The following ANK2 variants were observed in gnomAD, a reference collection of about 807,000 sequenced individuals.
ANK2 encodes the protein ankyrin 2.
Under a neutral mutation model 360.5 loss-of-function variants are expected in ANK2, and 83 were observed. The ratio of observed to expected loss-of-function variants is 0.23; its 90% CI spans 0.19 to 0.28. The LOEUF is 0.28. Ranked by LOEUF, ANK2 falls within the 10% of genes least tolerant of loss-of-function variation. The pLI, the probability that ANK2 is intolerant of heterozygous loss-of-function variation, is 1.00. For synonymous variants in ANK2, 1,740 were observed against 1,759.5 expected (o/e 0.99, Z 0.28); for missense variants, 4,201 against 4,795.7 (o/e 0.88, Z 3.66).
intron 2 of ANK2, among the ~76,000 whole-genome samples, chr4:112,930,892 GAAA>G (rs111287075): frequency 1.7e-5 from 2 of 116,142 alleles, no homozygotes; most frequent in Non-Finnish European, 3.8e-5. Context: ...CATCTCGAGA[GAAA>G]AAAAAAAAAA....
At chr4:112,764,399 G>A in the ANK2 span, among the ~76,000 whole-genome samples, 2 of 151,326 alleles carry the variant, frequency 1.3e-5, no homozygotes, top group South Asian at 2.1e-4. Flanking sequence ...GCAATGGCCC[G>A]ATCTCGGCTC....
intron 1 of ANK2, among the ~76,000 whole-genome samples, chr4:112,876,598 A>C (rs560394315): frequency 1.4e-3 from 218 of 152,226 alleles, no homozygotes; most frequent in Non-Finnish European, 2.4e-3. Context: ...GTAGAGATGG[A>C]TATATTGCCA....
chr4:113,288,666 A>G (rs955505313), intron 20 of ANK2, among the ~76,000 whole-genome samples, 180 bp downstream of exon 20: 3 of 152,220 alleles, frequency 2.0e-5, no homozygotes, highest in Admixed American at 6.5e-5. Context: ...TAACTTTGAC[A>G]TCCATGAAGG....
intron 9 of ANK2, among the ~76,000 whole-genome samples, chr4:113,242,698 G>T (rs753788543): frequency 1.3e-5 from 2 of 152,160 alleles, no homozygotes; most frequent in South Asian, 2.1e-4. Context: ...ATGGAGAAAA[G>T]CATACAGTTA....
At chr4:113,279,064 A>G (rs1458046924) in intron 17 of ANK2, among the ~76,000 whole-genome samples, 1 of 151,974 alleles carries the variant, frequency 6.6e-6, no homozygotes, top group Admixed American at 6.6e-5. Flanking sequence ...TTTTTGGTGT[A>G]TATCTAGCAC....
At chr4:112,931,364 C>T (rs899620574) in intron 2 of ANK2, among the ~76,000 whole-genome samples, 1 of 151,116 alleles carries the variant, frequency 6.6e-6, no homozygotes, top group Non-Finnish European at 1.5e-5. Flanking sequence ...TGTAGGATTG[C>T]TGTAAGCTAA....
At chr4:112,945,472 G>A (rs558519965) in intron 2 of ANK2, among the ~76,000 whole-genome samples, 2 of 152,112 alleles carry the variant, frequency 1.3e-5, no homozygotes, top group African/African-American at 4.8e-5. Context: ...TAAATCGCAG[G>A]GTCAGAGCTA....
intron 2 of ANK2, among the ~76,000 whole-genome samples, chr4:113,025,437 T>C (rs1008851188): frequency 1.7e-4 from 26 of 152,192 alleles, no homozygotes; most frequent in African/African-American, 6.0e-4. Context: ...AGTAGGCCCA[T>C]CTCCACTAGT....
At chr4:112,754,145 AT>A in the ANK2 span, among the ~76,000 whole-genome samples, 9 of 125,268 alleles carry the variant, frequency 7.2e-5, no homozygotes, top group African/African-American at 1.4e-4. Flanking sequence ...ATATATATAT[AT>A]ATAAAATTGC....
chr4:113,364,076 G>A (rs922691422), intron 40 of ANK2, among the ~76,000 whole-genome samples: 11 of 152,098 alleles, frequency 7.2e-5, no homozygotes, highest in African/African-American at 2.7e-4. Context: ...TTTATGAATG[G>A]CATGGTGGGA....
Position 113,146,050 on chromosome 4 carries a change from A to G in ANK2, c.85-28366A>G, listed in dbSNP as rs1165465863. 5 of 1,287,910 alleles carry G rather than the reference A, an allele frequency of 3.9e-6. No individual in the cohort carries two copies. In the Admixed American group the frequency reaches 1.2e-4, roughly 30 times the overall value. The allele number at this position is 1,287,910 out of a possible 1,614,324, so 79.8% of individuals were successfully genotyped here. On this transcript the variant is annotated intron_variant, in intron 1 of 45. Transcript: ENST00000357077. ...AGGAGGAAGGGAGGATGGTGGCATA[A>G]GAATCAACAGTAGACCTCATTGGTC...
At chr4:113,109,551 T>C (rs1369838987) in intron 1 of ANK2, among the ~76,000 whole-genome samples, 1 of 152,186 alleles carries the variant, frequency 6.6e-6, no homozygotes, top group African/African-American at 2.4e-5. Flanking sequence ...ACTGTGCACC[T>C]TGTGTGGACA....
intron 4 of ANK2, among the ~76,000 whole-genome samples, chr4:113,218,540 C>A (rs990343186): frequency 2.0e-5 from 3 of 151,612 alleles, no homozygotes; most frequent in African/African-American, 7.3e-5. Flanking sequence ...ATATCTCAGG[C>A]GATAAAAAGT....
At chr4:112,765,169 T>G in the ANK2 span, among the ~76,000 whole-genome samples, 1 of 152,362 alleles carries the variant, frequency 6.6e-6, no homozygotes, top group Non-Finnish European at 1.5e-5. Context: ...TGAACATTTT[T>G]CTATGTAACT....
At chr4:112,824,659 A>T (rs1450442749) in intron 1 of ANK2, among the ~76,000 whole-genome samples, 3 of 151,898 alleles carry the variant, frequency 2.0e-5, no homozygotes, top group African/African-American at 7.3e-5. Context: ...ATGCGCCACC[A>T]CACCTGGCTA....
intron 2 of ANK2, among the ~76,000 whole-genome samples, chr4:113,033,312 T>C (rs990759994): frequency 2.6e-5 from 4 of 151,966 alleles, no homozygotes; most frequent in African/African-American, 4.8e-5. Flanking sequence ...TCAGGAAAAG[T>C]AAGTTGCCCA....
At chr4:113,160,020 T>A (rs942269505) in intron 1 of ANK2, among the ~76,000 whole-genome samples, 23 of 152,188 alleles carry the variant, frequency 1.5e-4, no homozygotes, top group Admixed American at 3.9e-4. Flanking sequence ...AGTAATGTCA[T>A]AATTGTCATT....
the ANK2 span, among the ~76,000 whole-genome samples, chr4:112,719,510 C>T: frequency 2.6e-5 from 4 of 151,868 alleles, no homozygotes; most frequent in Non-Finnish European, 5.9e-5. Flanking sequence ...GGGTGGATCA[C>T]GAGGTCAGGA....
intron 1 of ANK2, among the ~76,000 whole-genome samples, chr4:112,822,247 A>C (rs1392389662): frequency 1.6e-4 from 24 of 149,102 alleles, no homozygotes; most frequent in Non-Finnish European, 3.1e-4. Context: ...CTAAAAAAAA[A>C]AAAAAAAAAA....
Sources: gnomAD v4.1 joint callset for allele counts (sites outside exome capture counted in the v4.1 genomes callset) on GRCh38, gnomAD v4.1.1 for gene constraint, MANE v1.5 for transcripts, NCBI Gene and HGNC (gene_info 2026-07-23, HGNC 2026-07-21) for gene names.